Variants in KCNIP1 observed in about 807,000 individuals in gnomAD.
The protein encoded by KCNIP1 is A-type potassium channel modulatory protein KCNIP1.
A neutral mutation model predicts 33.0 loss-of-function variants in KCNIP1; 18 were observed. That is an observed-to-expected ratio of 0.55 (90% CI 0.38 to 0.81). The LOEUF (loss-of-function observed/expected upper bound fraction) is 0.81. KCNIP1 is among the 30% of genes least tolerant of loss of function. KCNIP1 has a pLI of 0.00. For missense variants in KCNIP1, 238 were observed against 271.6 expected (o/e 0.88, Z 0.87); for synonymous variants, 93 against 98.3 (o/e 0.95, Z 0.32).
intron 1 of KCNIP1, among the ~76,000 whole-genome samples, chr5:170,388,011 C>A (rs1251597529): frequency 6.7e-6 from 1 of 148,306 alleles, no homozygotes; most frequent in African/African-American, 2.5e-5. Context: ...TCCTTCCTGG[C>A]TAATCAGCCC....
intron 1 of KCNIP1, among the ~76,000 whole-genome samples, chr5:170,532,774 G>C (rs1425890191): frequency 2.0e-5 from 3 of 152,142 alleles, no homozygotes; most frequent in African/African-American, 7.2e-5. Flanking sequence ...GGAGGGGAGG[G>C]TCACAGTCCC....
intron 1 of KCNIP1, among the ~76,000 whole-genome samples, chr5:170,569,282 A>G (rs1757312747): frequency 6.6e-6 from 1 of 152,236 alleles, no homozygotes; most frequent in Admixed American, 6.5e-5. Context: ...AGCTCCCAAA[A>G]TCTGCACCCC....
chr5:170,476,999 A>G (rs1006008579), intron 1 of KCNIP1, among the ~76,000 whole-genome samples: 1 of 152,222 alleles, frequency 6.6e-6, no homozygotes, highest in African/African-American at 2.4e-5. Context: ...GACAGATTGT[A>G]ATAAATGCAC....
chr5:170,575,689 C>G (rs906168524), intron 1 of KCNIP1, among the ~76,000 whole-genome samples: 3 of 152,140 alleles, frequency 2.0e-5, no homozygotes, highest in Non-Finnish European at 4.4e-5. Context: ...CTTTGTACCC[C>G]CTCAGCCCAC....
At chr5:170,688,952 A>T (rs1337899796) in intron 1 of KCNIP1, among the ~76,000 whole-genome samples, 2 of 145,010 alleles carry the variant, frequency 1.4e-5, no homozygotes, top group African/African-American at 5.0e-5. Flanking sequence ...ACAAGAGGAT[A>T]GAAAGAAGGG....
chr5:170,383,083 A>G (rs1764316057), intron 1 of KCNIP1: 1 of 155,018 alleles, frequency 6.5e-6, no homozygotes, highest in African/African-American at 2.4e-5. Flanking sequence ...ATATGGGCCA[A>G]CTGATCGCTT....
intron 1 of KCNIP1, among the ~76,000 whole-genome samples, chr5:170,607,993 G>A (rs1758996237): frequency 2.6e-5 from 4 of 152,168 alleles, no homozygotes; most frequent in Admixed American, 2.6e-4. Context: ...CAAACTGAGT[G>A]GGTTTAAAAC....
intron 1 of KCNIP1, among the ~76,000 whole-genome samples, chr5:170,670,420 AG>A (rs1167600870): frequency 1.3e-5 from 2 of 152,208 alleles, no homozygotes; most frequent in African/African-American, 4.8e-5. Context: ...AAGAACTTAC[AG>A]GGAAGGGTTC....
chr5:170,677,943 G>T (rs930195851), intron 1 of KCNIP1, among the ~76,000 whole-genome samples: 1 of 152,166 alleles, frequency 6.6e-6, no homozygotes. Context: ...AGAAATATCA[G>T]AATCTATGCA....
At chr5:170,705,443 G>T (rs577867370) in intron 1 of KCNIP1, among the ~76,000 whole-genome samples, 83 of 152,304 alleles carry the variant, frequency 5.4e-4, no homozygotes, top group South Asian at 1.9e-3. Flanking sequence ...AGTGCTCATG[G>T]ACTGTCCGGA....
chr5:170,369,349 GA>G, intron 1 of KCNIP1, among the ~76,000 whole-genome samples: 1 of 152,350 alleles, frequency 6.6e-6, no homozygotes, highest in South Asian at 2.1e-4. Flanking sequence ...CCTTGATCAT[GA>G]ACTGTTAGTA....
intron 1 of KCNIP1, among the ~76,000 whole-genome samples, chr5:170,573,681 T>A (rs1022212618): frequency 6.6e-6 from 1 of 152,186 alleles, no homozygotes; most frequent in East Asian, 1.9e-4. Flanking sequence ...TTCATGACAC[T>A]TGAAAAGTAT....
intron 1 of KCNIP1, among the ~76,000 whole-genome samples, chr5:170,468,309 T>C (rs914058689): frequency 2.6e-4 from 40 of 152,342 alleles, no homozygotes; most frequent in African/African-American, 8.7e-4. Context: ...CAGTTTACAA[T>C]GTTTAGAGCA....
chr5:170,413,760 C>T (rs1755255955), intron 1 of KCNIP1, among the ~76,000 whole-genome samples: 2 of 152,106 alleles, frequency 1.3e-5, no homozygotes, highest in African/African-American at 4.8e-5. Context: ...CTGGTCTCCT[C>T]CACCAGCCCA....
chr5:170,667,370 T>C (rs1761746095), intron 1 of KCNIP1, among the ~76,000 whole-genome samples: 1 of 152,066 alleles, frequency 6.6e-6, no homozygotes, highest in African/African-American at 2.4e-5. Context: ...ATTAGCAATC[T>C]GAAGAAACAC....
At chr5:170,568,675 T>TAAAAAAAAAAA (rs1757290103) in intron 1 of KCNIP1, among the ~76,000 whole-genome samples, 2 of 18,050 alleles carry the variant, frequency 1.1e-4, no homozygotes, top group East Asian at 1.7e-3. Context: ...AAAAAAAAAT[T>TAAAAAAAAAAA]AGCCAAGCAT....
chr5:170,723,244 A>G (rs1401399411), intron 5 of KCNIP1, among the ~76,000 whole-genome samples: 1 of 152,208 alleles, frequency 6.6e-6, no homozygotes, highest in Non-Finnish European at 1.5e-5. Context: ...ATTGGGTCAT[A>G]TTGGCCTTAA....
chr5:170,380,672 G>A (rs1450922455), intron 1 of KCNIP1, among the ~76,000 whole-genome samples: 2 of 152,248 alleles, frequency 1.3e-5, no homozygotes, highest in Non-Finnish European at 2.9e-5. Flanking sequence ...GTTGGACACT[G>A]CCAGGTCCTC....
intron 1 of KCNIP1, among the ~76,000 whole-genome samples, chr5:170,415,162 G>A (rs1351409683): frequency 6.6e-6 from 1 of 152,152 alleles, no homozygotes; most frequent in Non-Finnish European, 1.5e-5. Context: ...CCACGAGGAC[G>A]TTGTTTCATT....
Sources: gnomAD v4.1 joint callset for allele counts (sites outside exome capture counted in the v4.1 genomes callset) on GRCh38, gnomAD v4.1.1 for gene constraint, MANE v1.5 for transcripts, NCBI Gene and HGNC (gene_info 2026-07-23, HGNC 2026-07-21) for gene names.